Variants in CFAP54 observed in about 807,000 individuals in gnomAD.
CFAP54 encodes cilia and flagella associated protein 54.
Under a neutral mutation model 370.4 loss-of-function variants are expected in CFAP54, and 290 were observed. That is an observed-to-expected ratio of 0.78 (90% CI 0.71 to 0.86). The LOEUF (loss-of-function observed/expected upper bound fraction) is 0.86. Among genes scored for constraint, CFAP54 ranks in the 40% least tolerant of loss-of-function variants. The pLI, the probability that CFAP54 is intolerant of heterozygous loss-of-function variation, is 0.00. For synonymous variants in CFAP54, 1,206 were observed against 1,236.5 expected (o/e 0.98, Z 0.52); for missense variants, 3,399 against 3,528.7 (o/e 0.96, Z 0.93).
At chr12:96,869,867 A>T (rs1187920974) in intron 67 of CFAP54, among the ~76,000 whole-genome samples, 3 of 144,230 alleles carry the variant, frequency 2.1e-5, no homozygotes, top group African/African-American at 7.7e-5. Flanking sequence ...CCTGGGAGGC[A>T]GAGGTTGCAG....
At chr12:96,755,666 C>CTTTTTT (rs71758359) in intron 56 of CFAP54, among the ~76,000 whole-genome samples, 2 of 88,040 alleles carry the variant, frequency 2.3e-5, no homozygotes, top group East Asian at 4.1e-4. Flanking sequence ...TTCTTTTTTC[C>CTTTTTT]TTTTTTTTTT....
intron 39 of CFAP54, among the ~76,000 whole-genome samples, chr12:96,667,153 C>T (rs988497782): frequency 2.0e-5 from 3 of 152,182 alleles, no homozygotes; most frequent in Admixed American, 6.5e-5. Flanking sequence ...AGGGTATGGC[C>T]TCCCTCCCGG....
chr12:96,578,424 T>C (rs1956001450), intron 20 of CFAP54, among the ~76,000 whole-genome samples: 1 of 152,228 alleles, frequency 6.6e-6, no homozygotes, highest in South Asian at 2.1e-4. Context: ...AGAATAGAGC[T>C]TCACTGATTT....
intron 57 of CFAP54, among the ~76,000 whole-genome samples, chr12:96,757,186 T>C (rs151079774): frequency 1.4e-4 from 22 of 152,302 alleles, no homozygotes; most frequent in African/African-American, 5.0e-4. Flanking sequence ...CCTTCACTGA[T>C]TTAGTGTCTT....
chr12:96,622,564 G>A (rs916905593), intron 27 of CFAP54, among the ~76,000 whole-genome samples: 2 of 152,122 alleles, frequency 1.3e-5, no homozygotes, highest in African/African-American at 4.8e-5. Flanking sequence ...TGGCCAGGCT[G>A]GTCCTGAACT....
chr12:96,779,230 A>G (rs1958557619), intron 60 of CFAP54, among the ~76,000 whole-genome samples: 2 of 152,150 alleles, frequency 1.3e-5, no homozygotes, highest in African/African-American at 4.8e-5. Context: ...CCAGAAGTCT[A>G]CATCATGTTC....
intron 50 of CFAP54, among the ~76,000 whole-genome samples, 180 bp downstream of exon 50, chr12:96,720,745 G>A (rs1487040739): frequency 2.6e-5 from 4 of 152,144 alleles, no homozygotes; most frequent in Non-Finnish European, 5.9e-5. Context: ...GCTCTGGCTG[G>A]GTGTGGTGGC....
chr12:96,707,800 C>T (rs557152088), intron 47 of CFAP54, among the ~76,000 whole-genome samples: 1 of 152,176 alleles, frequency 6.6e-6, no homozygotes, highest in East Asian at 1.9e-4. Flanking sequence ...TTGCTCTACT[C>T]TGACTGCTTC....
rs375661459 is a variant in CFAP54, at chr12:96,504,632, A to G, written c.567+603A>G. 1.8e-4 allele frequency among the ~76,000 whole-genome samples: 28 copies of G among 152,254 alleles called. 1 individual carries two copies. The highest frequency in any genetic ancestry group is 6.0e-4 in the African/African-American group (25 of 41,546). ...GAAGTTTATTAGCCCACTTAAAGCA[A>G]TGGGCAGGGTTGGTGTTTGAACCCT... On this transcript the variant is annotated intron_variant, in intron 3 of 67. Transcript: ENST00000524981.
At chr12:96,670,492 T>C (rs1957131875) in intron 39 of CFAP54, among the ~76,000 whole-genome samples, 3 of 152,214 alleles carry the variant, frequency 2.0e-5, no homozygotes, top group Non-Finnish European at 4.4e-5. Flanking sequence ...TGACATTTCA[T>C]TGACCACAGT....
At chr12:96,834,357 G>A (rs916088439) in intron 66 of CFAP54, among the ~76,000 whole-genome samples, 3 of 152,240 alleles carry the variant, frequency 2.0e-5, no homozygotes, top group Non-Finnish European at 2.9e-5. Flanking sequence ...GGCCCACTGA[G>A]CTTGTTCTGC....
intron 58 of CFAP54, among the ~76,000 whole-genome samples, chr12:96,762,646 T>C (rs943276717): frequency 6.6e-6 from 1 of 152,282 alleles, no homozygotes; most frequent in Admixed American, 6.5e-5. Flanking sequence ...TGTTGTTCTC[T>C]ATTCTTCATT....
chr12:96,844,133 G>A (rs538083739), intron 66 of CFAP54, among the ~76,000 whole-genome samples: 4 of 152,242 alleles, frequency 2.6e-5, no homozygotes, highest in Admixed American at 6.5e-5. Context: ...GAACAATGGC[G>A]CTCCACAGTG....
chr12:96,644,198 G>A lies in CFAP54; in HGVS notation c.4337G>A (p.Arg1446Lys), dbSNP rs1371872489. 1.3e-6 allele frequency: 2 copies of A among 1,535,082 alleles called. No individual in the cohort carries two copies. Among genetic ancestry groups the A allele is most frequent in the African/African-American group, 1.4e-5 (1 of 73,030 alleles). ...GGCAGAAATAGGAGAACCAGTGTTA[G>A]GAAAGCAGCACAACGATACCTGATG... ...AHERNRRTSV[R>K]KAAQRYLMDY... is the part of the protein sequence containing the mutation. The change falls in exon 33 of 68, where the codon AGG becomes AAG. Residue 1446 changes from arginine (R) to lysine (K), a missense_variant. Transcript: ENST00000524981.
intron 63 of CFAP54, among the ~76,000 whole-genome samples, chr12:96,796,953 T>G (rs1317734385): frequency 6.6e-6 from 1 of 152,202 alleles, no homozygotes; most frequent in Non-Finnish European, 1.5e-5. Flanking sequence ...ACCTAATATA[T>G]GCATTTTGAA....
chr12:96,873,773 A>C (rs1960221856), intron 67 of CFAP54, among the ~76,000 whole-genome samples: 2 of 152,326 alleles, frequency 1.3e-5, no homozygotes, highest in Non-Finnish European at 1.5e-5. Context: ...AATTTCTTAT[A>C]ATTTTCATGT....
intron 45 of CFAP54, among the ~76,000 whole-genome samples, 175 bp from the exon 46 acceptor site, chr12:96,699,796 A>T (rs1241799105): frequency 6.6e-6 from 1 of 152,200 alleles, no homozygotes; most frequent in Non-Finnish European, 1.5e-5. Context: ...ATGGGCATAC[A>T]CATAGACACA....
rs528655597 is a variant in CFAP54 at position 96,545,714 on chromosome 12, G to A, written c.2078-2188G>A. 1.1e-4 allele frequency among the ~76,000 whole-genome samples: 17 copies of A among 152,214 alleles called. No individual in the cohort carries two copies. The South Asian group carries it at 2.9e-3, about 26-fold the overall frequency. ...ACAAATATTCAAATCATAGCAATGG[G>A]TTTCTAAAGGTTATTAGATCATACC... On this transcript the variant is annotated intron_variant, in intron 14 of 67. Transcript: ENST00000524981.
chr12:96,513,130 TAAAC>T (rs1287359558), intron 5 of CFAP54, 86 bp downstream of exon 5: 14 of 520,950 alleles, frequency 2.7e-5, no homozygotes, highest in East Asian at 1.1e-4. Flanking sequence ...TATTGAATGT[TAAAC>T]AAGGAATATT....
Sources: gnomAD v4.1 joint callset for allele counts (sites outside exome capture counted in the v4.1 genomes callset) on GRCh38, gnomAD v4.1.1 for gene constraint, MANE v1.5 for transcripts, NCBI Gene and HGNC (gene_info 2026-07-23, HGNC 2026-07-21) for gene names.